The following NHS variants were observed in gnomAD, a reference collection of about 807,000 sequenced individuals.
NHS encodes actin remodeling regulator NHS.
A neutral mutation model predicts 72.5 loss-of-function variants in NHS; 5 were observed. The ratio of observed to expected loss-of-function variants is 0.07; its 90% CI spans 0.04 to 0.14. The LOEUF is 0.14. Ranked by LOEUF, NHS falls within the 10% of genes least tolerant of loss-of-function variation. The probability of loss-of-function intolerance (pLI) is 1.00; values close to 1 mark genes in which losing one functional copy is unlikely to be tolerated. For missense variants in NHS, 1,072 were observed against 1,355.7 expected (o/e 0.79, Z 3.29); for synonymous variants, 464 against 547.7 (o/e 0.85, Z 2.13).
chrX:17,606,172 C>A (rs1286898732), intron 1 of NHS, among the ~76,000 whole-genome samples: 2 of 111,927 alleles, frequency 1.8e-5, no homozygotes, highest in Non-Finnish European at 3.8e-5. Context: ...TGCACCTGAG[C>A]TGCCACTTGG....
chrX:17,516,567 ACG>A (rs1267111849), intron 1 of NHS, among the ~76,000 whole-genome samples: 1,511 of 83,915 alleles, frequency 0.018, 28 homozygotes, highest in African/African-American at 0.064. Flanking sequence ...ACACACACAC[ACG>A]CGCACACACA....
At chrX:17,588,633 T>G (rs572068098) in intron 1 of NHS, among the ~76,000 whole-genome samples, 3 of 109,892 alleles carry the variant, frequency 2.7e-5, no homozygotes, top group African/African-American at 9.9e-5. Context: ...TGGTCAAACC[T>G]CACGACCTAG....
At chrX:17,684,964 GT>G (rs1255283023) in intron 1 of NHS, among the ~76,000 whole-genome samples, 10 of 112,327 alleles carry the variant, frequency 8.9e-5, no homozygotes, top group African/African-American at 3.2e-4. Flanking sequence ...CTTAGCCATG[GT>G]GAGATTGTTA....
intron 1 of NHS, among the ~76,000 whole-genome samples, chrX:17,556,984 A>ATC (rs765952575): frequency 1.8e-4 from 20 of 109,023 alleles, no homozygotes; most frequent in Admixed American, 3.0e-4. Flanking sequence ...ATATATATAT[A>ATC]TATCTATATA....
intron 1 of NHS, among the ~76,000 whole-genome samples, chrX:17,539,253 G>T (rs1208080987): frequency 9.0e-6 from 1 of 110,601 alleles, no homozygotes; most frequent in Non-Finnish European, 1.9e-5. Context: ...ATTGGTTAGT[G>T]AGGCCCTTCC....
chrX:17,420,688 G>A (rs2064618729), intron 1 of NHS, among the ~76,000 whole-genome samples: 1 of 111,941 alleles, frequency 8.9e-6, no homozygotes, highest in Non-Finnish European at 1.9e-5. Context: ...TGGCAAAGTA[G>A]TTCCTGTCTT....
intron 1 of NHS, among the ~76,000 whole-genome samples, chrX:17,517,055 C>G (rs977965731): frequency 2.7e-5 from 3 of 112,171 alleles, no homozygotes; most frequent in African/African-American, 9.7e-5. Flanking sequence ...AGAGGCGCCC[C>G]TTGAACACTC....
At chrX:17,555,390 T>C (rs1053844069) in intron 1 of NHS, among the ~76,000 whole-genome samples, 1 of 110,578 alleles carries the variant, frequency 9.0e-6, no homozygotes, top group Admixed American at 9.7e-5. Context: ...GGAGAATGCA[T>C]AGCATCATCT....
At position 17,667,583 on chromosome X, in the gene NHS, T is replaced by A. The variant is rs190938916; in HGVS notation, c.566-20159T>A. 1.6e-3 allele frequency among the ~76,000 whole-genome samples: 179 copies of A among 111,006 alleles called. 1 individual carries two copies. Among genetic ancestry groups the A allele is most frequent in the African/African-American group, 5.7e-3 (175 of 30,520 alleles). On this transcript the variant is annotated intron_variant, in intron 1 of 8. Transcript: ENST00000676302. ...CAAAGATGTGAGGGGAAGCACCTCA[T>A]CTGCCGCAGGAGGGTAAACTAGATG...
intron 1 of NHS, among the ~76,000 whole-genome samples, chrX:17,519,838 ATCC>A (rs1177284272): frequency 9.0e-6 from 1 of 110,758 alleles, no homozygotes; most frequent in Non-Finnish European, 1.9e-5. Flanking sequence ...CGTCATCATC[ATCC>A]TCATTTCATT....
rs1179741573 is a variant in NHS, at chrX:17,665,222, T to A, written c.566-22520T>A. ...AAATAATGACAGTATTCTTCTTTTT[T>A]ATCTTTTGTCTTATTACACTGGTGA... On this transcript the variant is annotated intron_variant, in intron 1 of 8. Transcript: ENST00000676302. 0.019 allele frequency among the ~76,000 whole-genome samples: 4 copies of A among 215 alleles called. No homozygotes were observed. In the East Asian group the frequency reaches 0.4, roughly 21 times the overall value. The allele number at this position is 215 out of a possible 115,157, so 0.2% of individuals were successfully genotyped here.
intron 1 of NHS, among the ~76,000 whole-genome samples, chrX:17,569,439 T>C (rs759959371): frequency 5.6e-4 from 62 of 110,054 alleles, no homozygotes; most frequent in African/African-American, 2.1e-3. Context: ...CATTTTTTCA[T>C]GTGTCTGTTG....
Position 17,572,718 on chromosome X carries a change from G to A in NHS, c.566-115024G>A, listed in dbSNP as rs935949556. Among the ~76,000 whole-genome samples, 6 of 110,144 alleles carry A rather than the reference G, an allele frequency of 5.4e-5. No individual in the cohort carries two copies. In the South Asian group the frequency reaches 1.2e-3, roughly 21 times the overall value. On this transcript the variant is annotated intron_variant, in intron 1 of 8. Coordinates refer to ENST00000676302, the MANE Select transcript of NHS (RefSeq NM_001291867.2). ...TGTTATGTGTGAATTTGATCCTGTC[G>A]CTATGATGCTAGCTGGTTATTTCAC... is the stretch of plus-strand genomic sequence containing the variant.
chrX:17,673,311 C>A (rs778192382), intron 1 of NHS, among the ~76,000 whole-genome samples: 1 of 109,741 alleles, frequency 9.1e-6, no homozygotes, highest in African/African-American at 3.3e-5. Context: ...CTCCACATCC[C>A]GGCCACCAAG....
chrX:17,476,043 G>A (rs925439250), intron 1 of NHS, among the ~76,000 whole-genome samples: 2 of 111,978 alleles, frequency 1.8e-5, no homozygotes, highest in Non-Finnish European at 3.8e-5. Context: ...GAGGATGGGG[G>A]TGGGTGAGAC....
chrX:17,658,777 A>ACTGT lies in NHS; in HGVS notation c.566-28965_566-28964insCTGT, dbSNP rs61594014. On this transcript the variant is annotated intron_variant, in intron 1 of 8. Coordinates refer to ENST00000676302, the MANE Select transcript of NHS (RefSeq NM_001291867.2). ...GTTGAGATTTCAGTTTTTTAAGAAC[A>ACTGT]TCATTGGCTTGGCTCGACCTGTACC... Among the ~76,000 whole-genome samples, 621 of 112,075 alleles carry ACTGT rather than the reference A, an allele frequency of 5.5e-3. 3 individuals carry two copies. The highest frequency in any genetic ancestry group is 0.02 in the African/African-American group (603 of 30,807).
Position 17,727,058 on chromosome X carries a change from T to C in NHS, c.2952T>C (p.Ser984=). 1.7e-6 allele frequency: 2 copies of C among 1,212,107 alleles called. No individual in the cohort carries two copies. The highest frequency in any genetic ancestry group is 3.0e-5 in the East Asian group (1 of 33,836). ...VIECIKSPES[S]ESQTSQSESR... is the part of the protein sequence containing the mutation. ...AATGCATCAAATCTCCAGAGAGCTC[T>C]GAATCCCAAACATCACAATCAGAAT... The change falls in exon 7 of 9, where the codon TCT becomes TCC. Residue 984 remains serine, a synonymous_variant. Transcript: ENST00000676302.
At chrX:17,687,549 G>T in intron 1 of NHS, 193 bp from the exon 2 acceptor site, 1 of 527,321 alleles carries the variant, frequency 1.9e-6, no homozygotes, top group East Asian at 3.5e-5. Context: ...TCGGCTCAGG[G>T]GCAAAAGTTG....
At chrX:17,536,316 C>G (rs1255542084) in intron 1 of NHS, among the ~76,000 whole-genome samples, 1 of 112,717 alleles carries the variant, frequency 8.9e-6, no homozygotes, top group East Asian at 2.8e-4. Context: ...GATCGCGCCA[C>G]TGCACTCCAG....
Sources: allele counts gnomAD v4.1 joint callset (sites outside exome capture counted in the v4.1 genomes callset), GRCh38; gene constraint gnomAD v4.1.1; transcripts MANE v1.5; gene names NCBI Gene and HGNC (gene_info 2026-07-23, HGNC 2026-07-21).